EWSR1: variants seen among roughly 807,000 people sequenced by gnomAD.
EWSR1 encodes RNA-binding protein EWS.
Under a neutral mutation model 92.1 loss-of-function variants are expected in EWSR1, and 14 were observed. The observed-to-expected ratio is 0.15, with a 90% CI of 0.10 to 0.24. The LOEUF (loss-of-function observed/expected upper bound fraction) is 0.24. Ranked by LOEUF, EWSR1 falls within the 10% of genes least tolerant of loss-of-function variation. The probability of loss-of-function intolerance (pLI) is 1.00; values close to 1 mark genes in which losing one functional copy is unlikely to be tolerated. For synonymous variants in EWSR1, 303 were observed against 292.9 expected (o/e 1.03, Z -0.35); for missense variants, 637 against 870.9 (o/e 0.73, Z 3.38).
At chr22:29,285,451 G>A (rs1462851495) in intron 6 of EWSR1, among the ~76,000 whole-genome samples, 2 of 151,202 alleles carry the variant, frequency 1.3e-5, no homozygotes, top group Non-Finnish European at 2.9e-5. Context: ...CTTCATTTCT[G>A]TGCAAGAATG....
rs1211294746 is a variant in EWSR1, at chr22:29,298,744, C to T, written c.1429C>T (p.Pro477Ser). 6.2e-7 allele frequency: 1 copy of T among 1,613,280 alleles called. No homozygotes were observed. The highest frequency in any genetic ancestry group is 8.5e-7 in the Non-Finnish European group (1 of 1,179,928). ...TGTTCTTGTTGTAGGTCCAGGAGGC[C>T]CAGGAGGTCCTGGGGGACCCATGGG... is the stretch of plus-strand genomic sequence containing the variant. ...PPPLRGGPGG[P>S]GGPGGPMGRM... Residue 477 changes from proline to serine, a missense_variant, in exon 14 of 17, where the codon CCA becomes TCA. Transcript: ENST00000397938.
intron 4 of EWSR1, chr22:29,275,805 C>T (rs564243664): frequency 3.9e-4 from 89 of 230,878 alleles, no homozygotes; most frequent in African/African-American, 1.8e-3. Flanking sequence ...TTAAAAACTT[C>T]TTAATTTTTA....
chr22:29,277,593 A>G (rs547770146), intron 4 of EWSR1: 68 of 231,398 alleles, frequency 2.9e-4, no homozygotes, highest in African/African-American at 1.4e-3. Context: ...TTAAAATGCT[A>G]TGTCATTTGC....
At chr22:29,278,705 G>A (rs1035230757) in intron 5 of EWSR1, among the ~76,000 whole-genome samples, 4 of 152,016 alleles carry the variant, frequency 2.6e-5, no homozygotes, top group Admixed American at 1.3e-4. Context: ...GGTGCCTGTC[G>A]TCCCAGCTAC....
intron 13 of EWSR1, 70 bp downstream of exon 13, chr22:29,298,019 T>A: frequency 1.3e-6 from 2 of 1,481,906 alleles, no homozygotes; most frequent in Non-Finnish European, 1.8e-6. Context: ...AGAAACTTGA[T>A]TATTAGAGTG....
At chr22:29,292,033 C>T in intron 9 of EWSR1, 104 bp from the exon 10 acceptor site, 1 of 964,778 alleles carries the variant, frequency 1.0e-6, no homozygotes, top group Non-Finnish European at 1.7e-6. Context: ...TTTAATGAAT[C>T]CCCATCAAAT....
At chr22:29,272,189 C>G in intron 1 of EWSR1, 27 bp from the exon 2 acceptor site, 1 of 1,609,986 alleles carries the variant, frequency 6.2e-7, no homozygotes, top group Non-Finnish European at 8.5e-7. Context: ...TAACTTTACA[C>G]TATTTTTCCT....
chr22:29,299,913 G>A, intron 16 of EWSR1, 62 bp downstream of exon 16: 5 of 1,532,918 alleles, frequency 3.3e-6, no homozygotes, highest in Non-Finnish European at 3.5e-6. Flanking sequence ...GCCCTTCCCA[G>A]CTTGGTTGGC....
intron 4 of EWSR1, chr22:29,275,642 TG>T (rs1386605934): frequency 4.3e-5 from 10 of 229,912 alleles, no homozygotes; most frequent in African/African-American, 2.2e-4. Flanking sequence ...GCACACATGC[TG>T]CATTTTTCCT....
intron 6 of EWSR1, among the ~76,000 whole-genome samples, chr22:29,285,521 C>T (rs2059959062): frequency 6.6e-6 from 1 of 151,380 alleles, no homozygotes; most frequent in African/African-American, 2.5e-5. Context: ...TCATACAATT[C>T]CTTCATTCTG....
At chr22:29,282,086 A>G (rs2059653662) in intron 5 of EWSR1, among the ~76,000 whole-genome samples, 1 of 152,204 alleles carries the variant, frequency 6.6e-6, no homozygotes, top group Non-Finnish European at 1.5e-5. Flanking sequence ...CTGGTAGCAC[A>G]CAATATCGCA....
At chr22:29,294,602 C>G (rs975555420) in intron 11 of EWSR1, among the ~76,000 whole-genome samples, 1 of 117,064 alleles carries the variant, frequency 8.5e-6, no homozygotes, top group Non-Finnish European at 1.7e-5. Flanking sequence ...GAGACTCCGC[C>G]TCAAAAAAAA....
At chr22:29,276,818 G>T (rs1442521072) in intron 4 of EWSR1, 2 of 231,074 alleles carry the variant, frequency 8.7e-6, no homozygotes, top group Non-Finnish European at 1.7e-5. Context: ...GCCCAGCTAA[G>T]TTTGTTTATT....
At chr22:29,299,028 G>A in intron 14 of EWSR1, 133 bp downstream of exon 14, 3 of 1,307,104 alleles carry the variant, frequency 2.3e-6, no homozygotes, top group Non-Finnish European at 3.1e-6. Context: ...AGGGACACTA[G>A]TCAGCCATTC....
Position 29,300,463 on chromosome 22 carries a change from G to GTTCATGGTTGTGATGTT in EWSR1, c.*305_*321dup, listed in dbSNP as rs1424122773. 3.5e-6 allele frequency: 1 copy of GTTCATGGTTGTGATGTT among 285,472 alleles called. No homozygotes were observed. Among genetic ancestry groups the GTTCATGGTTGTGATGTT allele is most frequent in the Non-Finnish European group, 6.4e-6 (1 of 155,656 alleles). The allele number at this position is 285,472 out of a possible 1,614,324, so 17.7% of individuals were successfully genotyped here. On this transcript the variant is annotated 3_prime_UTR_variant, in exon 17 of 17. Transcript: ENST00000397938. ...AAGAGGGCCTCTTAACTGTAACAAT[G>GTTCATGGTTGTGATGTT]TTCATGGTTGTGATGTTTTTTTTTT...
In EWSR1 at chr22:29,299,871, A is replaced by G; in HGVS notation, c.1931+20A>G. ...GGATAAGTAAGTGCTGGTGAAAAGC[A>G]GCTGTGGGCCGCCAGGCACAGTAAG... is the stretch of plus-strand genomic sequence containing the variant. On this transcript the variant is annotated intron_variant, in intron 16 of 16. Coordinates refer to ENST00000397938, the MANE Select transcript of EWSR1 (RefSeq NM_005243.4). The G allele has an allele frequency of 2.0e-6, 3 of 1,532,700 alleles. No homozygotes were observed. Among genetic ancestry groups the G allele is most frequent in the Non-Finnish European group, 2.6e-6 (3 of 1,138,698 alleles). The allele number at this position is 1,532,700 out of a possible 1,614,324, so 94.9% of individuals were successfully genotyped here.
intron 5 of EWSR1, among the ~76,000 whole-genome samples, chr22:29,278,932 T>A (rs1602280586): frequency 6.6e-6 from 1 of 151,028 alleles, no homozygotes; most frequent in Non-Finnish European, 1.5e-5. Flanking sequence ...GAGATGGAGG[T>A]TACAGTGAGC....
intron 5 of EWSR1, among the ~76,000 whole-genome samples, chr22:29,280,287 C>G (rs769997476): frequency 1.3e-5 from 2 of 152,108 alleles, no homozygotes; most frequent in African/African-American, 2.4e-5. Context: ...AGGCTGGTCT[C>G]GAACTCGTGA....
chr22:29,292,477 G>A lies in EWSR1; in HGVS notation c.1046-11G>A. On this transcript the variant is annotated splice_polypyrimidine_tract_variant and intron_variant, in intron 10 of 16. Coordinates refer to ENST00000397938, the MANE Select transcript of EWSR1 (RefSeq NM_005243.4). ...ATGATAATAATTCTCCTGTCTTGTT[G>A]TCTCTGAAAGGCCCACCTGTAGATC... 2 of 1,569,040 alleles carry A rather than the reference G, an allele frequency of 1.3e-6. No homozygotes were observed. Among genetic ancestry groups the A allele is most frequent in the Non-Finnish European group, 1.8e-6 (2 of 1,140,020 alleles).
Sources: gnomAD v4.1 joint callset for allele counts (sites outside exome capture counted in the v4.1 genomes callset) on GRCh38, gnomAD v4.1.1 for gene constraint, MANE v1.5 for transcripts, NCBI Gene and HGNC (gene_info 2026-07-23, HGNC 2026-07-21) for gene names.